MBOAT2: variants seen among roughly 807,000 people sequenced by gnomAD.
MBOAT2 encodes membrane-bound glycerophospholipid O-acyltransferase 2.
MBOAT2 carries 28 observed loss-of-function variants against 63.4 expected under a neutral mutation model. That is an observed-to-expected ratio of 0.44 (90% CI 0.33 to 0.61). The LOEUF (loss-of-function observed/expected upper bound fraction) is 0.61. Ranked by LOEUF, MBOAT2 falls within the 20% of genes least tolerant of loss-of-function variation. The probability of loss-of-function intolerance (pLI) is 0.03; values close to 1 mark genes in which losing one functional copy is unlikely to be tolerated. For missense variants in MBOAT2, 470 were observed against 605.8 expected (o/e 0.78, Z 2.35); for synonymous variants, 211 against 215.6 (o/e 0.98, Z 0.19).
At chr2:8,993,782 A>G (rs1200325235) in intron 1 of MBOAT2, among the ~76,000 whole-genome samples, 2 of 152,130 alleles carry the variant, frequency 1.3e-5, no homozygotes, top group Admixed American at 1.3e-4. Context: ...TGTCTTGTTC[A>G]CCACCTGGCA....
At position 8,958,634 on chromosome 2, in the gene MBOAT2, A is replaced by G. The variant is rs1207829448; in HGVS notation, c.84T>C (p.Phe28=). ...AVQLPIDQVN[F]VVCQLFALLA... is the part of the protein sequence containing the mutation. ...GCAAGGCAAAGAGTTGGCACACTACAAAGTTGACCTGTAAAGAAAAATTAA... is the reference window on the plus strand; with the variant it reads ...GCAAGGCAAAGAGTTGGCACACTACGAAGTTGACCTGTAAAGAAAAATTAA... The change falls in exon 2 of 13, where the codon TTT becomes TTC. Residue 28 remains phenylalanine (F), a synonymous_variant. Transcript: ENST00000305997. 1.3e-6 allele frequency: 2 copies of G among 1,570,792 alleles called. No individual in the cohort carries two copies. Among genetic ancestry groups the G allele is most frequent in the Non-Finnish European group, 1.7e-6 (2 of 1,164,338 alleles).
chr2:8,956,006 G>A (rs1377977174), intron 2 of MBOAT2, among the ~76,000 whole-genome samples: 1 of 151,986 alleles, frequency 6.6e-6, no homozygotes, highest in Non-Finnish European at 1.5e-5. Flanking sequence ...TAATTATATT[G>A]CATACTTAAT....
chr2:8,936,651 G>A (rs1008418736), intron 3 of MBOAT2, among the ~76,000 whole-genome samples: 4 of 151,892 alleles, frequency 2.6e-5, no homozygotes, highest in Non-Finnish European at 5.9e-5. Flanking sequence ...GCATAGTGGT[G>A]CATGCCTGTA....
At chr2:8,859,434 C>A (rs1242451860) in intron 12 of MBOAT2, among the ~76,000 whole-genome samples, 1 of 152,198 alleles carries the variant, frequency 6.6e-6, no homozygotes, top group Non-Finnish European at 1.5e-5. Flanking sequence ...TTGAAAACAT[C>A]ATTTCTCAAA....
At chr2:8,951,280 C>T (rs1668813874) in intron 2 of MBOAT2, among the ~76,000 whole-genome samples, 1 of 151,528 alleles carries the variant, frequency 6.6e-6, no homozygotes, top group South Asian at 2.1e-4. Context: ...TCTGGGCTCA[C>T]TGCAATCTCT....
intron 1 of MBOAT2, among the ~76,000 whole-genome samples, chr2:8,993,754 T>A (rs1005282272): frequency 2.0e-5 from 3 of 152,206 alleles, no homozygotes; most frequent in African/African-American, 4.8e-5. Context: ...TCAACTGCAG[T>A]ACCTCCGCTG....
At chr2:8,971,555 T>C (rs1340955561) in intron 1 of MBOAT2, among the ~76,000 whole-genome samples, 2 of 152,142 alleles carry the variant, frequency 1.3e-5, no homozygotes. Flanking sequence ...GGTATTCAGT[T>C]AGGAAAAGAG....
At chr2:8,918,831 T>G (rs952408101) in intron 3 of MBOAT2, among the ~76,000 whole-genome samples, 3 of 152,188 alleles carry the variant, frequency 2.0e-5, no homozygotes, top group Non-Finnish European at 4.4e-5. Context: ...ATTCAACAAT[T>G]TTTAGTAAAT....
At chr2:8,917,170 A>T (rs900221427) in intron 3 of MBOAT2, among the ~76,000 whole-genome samples, 22 of 152,228 alleles carry the variant, frequency 1.4e-4, no homozygotes, top group Non-Finnish European at 2.5e-4. Context: ...AGAACTGTAA[A>T]ACTTCTAGGA....
intron 4 of MBOAT2, among the ~76,000 whole-genome samples, chr2:8,888,917 T>A (rs1663771344): frequency 6.6e-6 from 1 of 152,154 alleles, no homozygotes; most frequent in African/African-American, 2.4e-5. Flanking sequence ...AAGGCTTTTA[T>A]CCTTTATTAC....
At position 8,958,661 on chromosome 2, in the gene MBOAT2, A is replaced by G; in HGVS notation, c.76-19T>C. ...AGTTGACCTGTAAAGAAAAATTAAA[A>G]TTTTGTATTAGCAACACAGACCTGA... On this transcript the variant is annotated intron_variant, in intron 1 of 12. Coordinates refer to ENST00000305997, the MANE Select transcript of MBOAT2 (RefSeq NM_138799.4). 1 of 1,544,750 alleles carries G rather than the reference A, an allele frequency of 6.5e-7. No individual in the cohort carries two copies. The highest frequency in any genetic ancestry group is 1.2e-5 in the South Asian group (1 of 80,184).
chr2:9,000,232 T>C (rs551378723), intron 1 of MBOAT2, among the ~76,000 whole-genome samples: 2 of 152,364 alleles, frequency 1.3e-5, no homozygotes, highest in East Asian at 3.9e-4. Context: ...GTTATATTTT[T>C]ACACTTTTCA....
chr2:8,980,933 C>T (rs1200751431), intron 1 of MBOAT2, among the ~76,000 whole-genome samples: 1 of 151,914 alleles, frequency 6.6e-6, no homozygotes, highest in Non-Finnish European at 1.5e-5. Flanking sequence ...TCATAATAGC[C>T]AAAATGTGAA....
intron 11 of MBOAT2, among the ~76,000 whole-genome samples, chr2:8,861,494 A>G (rs1274806528): frequency 6.6e-6 from 1 of 152,210 alleles, no homozygotes; most frequent in East Asian, 1.9e-4. Context: ...TGGATTTGTC[A>G]TTGGTGAACA....
At chr2:8,927,520 C>T (rs1003725239) in intron 3 of MBOAT2, among the ~76,000 whole-genome samples, 3 of 152,164 alleles carry the variant, frequency 2.0e-5, no homozygotes, top group Admixed American at 6.5e-5. Flanking sequence ...GTAGCTCCGT[C>T]GAGTTGCGTT....
At chr2:8,891,574 A>T (rs1449844721) in intron 4 of MBOAT2, among the ~76,000 whole-genome samples, 1 of 152,244 alleles carries the variant, frequency 6.6e-6, no homozygotes, top group Middle Eastern at 3.2e-3. Context: ...AGGGTGATTC[A>T]CACAACTATT....
chr2:8,874,916 T>C (rs1428767487), intron 7 of MBOAT2, among the ~76,000 whole-genome samples: 2 of 152,222 alleles, frequency 1.3e-5, no homozygotes, highest in Admixed American at 1.3e-4. Context: ...AAAAGTAATA[T>C]GTACAGGGAA....
chr2:8,990,687 T>C (rs1389300929), intron 1 of MBOAT2, among the ~76,000 whole-genome samples: 1 of 152,182 alleles, frequency 6.6e-6, no homozygotes, highest in Non-Finnish European at 1.5e-5. Context: ...TCAATTCACA[T>C]AAAAATTGCA....
At chr2:8,873,357 C>G in intron 7 of MBOAT2, 57 bp from the exon 8 acceptor site, 2 of 1,515,472 alleles carry the variant, frequency 1.3e-6, no homozygotes, top group Non-Finnish European at 1.8e-6. Flanking sequence ...TTAATTCATT[C>G]TATGTATTAT....
Sources: gnomAD v4.1 joint callset for allele counts (sites outside exome capture counted in the v4.1 genomes callset) on GRCh38, gnomAD v4.1.1 for gene constraint, MANE v1.5 for transcripts, NCBI Gene and HGNC (gene_info 2026-07-23, HGNC 2026-07-21) for gene names.